DST: variants seen among roughly 807,000 people sequenced by gnomAD.
The protein encoded by DST is bullous pemphigoid antigen.
Under a neutral mutation model 875.2 loss-of-function variants are expected in DST, and 253 were observed. The ratio of observed to expected loss-of-function variants is 0.29; its 90% CI spans 0.26 to 0.32. The LOEUF is 0.32. DST is among the 10% of genes least tolerant of loss of function. The probability of loss-of-function intolerance (pLI) is 1.00; values close to 1 mark genes in which losing one functional copy is unlikely to be tolerated. For missense variants in DST, 8,287 were observed against 9,111.6 expected (o/e 0.91, Z 3.68); for synonymous variants, 3,124 against 3,197.1 (o/e 0.98, Z 0.77).
intron 4 of DST, among the ~76,000 whole-genome samples, chr6:56,767,057 A>G (rs2099635242): frequency 6.6e-6 from 1 of 152,176 alleles, no homozygotes; most frequent in African/African-American, 2.4e-5. Flanking sequence ...TTTTCTAAAA[A>G]CATTTCTTTG....
At chr6:56,529,003 TTTAA>T in intron 66 of DST, 78 bp from the exon 67 acceptor site, 1 of 884,024 alleles carries the variant, frequency 1.1e-6, no homozygotes, top group Non-Finnish European at 1.8e-6. Context: ...CTCAGAGAAC[TTTAA>T]TTAGATTTCA....
At chr6:56,908,098 TAC>T (rs66523804) in intron 2 of DST, among the ~76,000 whole-genome samples, 49 of 150,576 alleles carry the variant, frequency 3.3e-4, no homozygotes, top group African/African-American at 7.3e-4. Flanking sequence ...TATATATATA[TAC>T]ACACACACAC....
chr6:56,562,056 C>T (rs1362387555), intron 56 of DST, 82 bp downstream of exon 56: 1 of 806,660 alleles, frequency 1.2e-6, no homozygotes, highest in Non-Finnish European at 1.9e-6. Flanking sequence ...TTCAATATAA[C>T]TACTGTTTGC....
At position 56,687,055 on chromosome 6, in the gene DST, C is replaced by G. The variant is rs141585263; in HGVS notation, c.1047+12598G>C. 1.6e-4 allele frequency among the ~76,000 whole-genome samples: 25 copies of G among 152,284 alleles called. No individual in the cohort carries two copies. The East Asian group carries it at 4.4e-3, about 27-fold the overall frequency. ...CCGTAACACTGCTGAGGGAGCTATACCTATCCATGGACCACCTCCTTCTAC... is the reference window on the plus strand; with the variant it reads ...CCGTAACACTGCTGAGGGAGCTATAGCTATCCATGGACCACCTCCTTCTAC... On this transcript the variant is annotated intron_variant, in intron 9 of 103. Coordinates refer to ENST00000680361, the MANE Select transcript of DST (RefSeq NM_001374736.1).
At chr6:56,709,654 C>T (rs950010640) in intron 5 of DST, among the ~76,000 whole-genome samples, 4 of 152,120 alleles carry the variant, frequency 2.6e-5, no homozygotes, top group African/African-American at 7.2e-5. Flanking sequence ...AGCATTCATC[C>T]GTCATATGCC....
intron 92 of DST, among the ~76,000 whole-genome samples, chr6:56,474,945 T>G (rs2095096941): frequency 9.0e-6 from 1 of 111,200 alleles, no homozygotes; most frequent in Non-Finnish European, 1.7e-5. Context: ...GGCAACAGAG[T>G]GAGACCCTGC....
At chr6:56,763,684 T>TACACACACACAC (rs553580754) in intron 4 of DST, among the ~76,000 whole-genome samples, 1,282 of 117,054 alleles carry the variant, frequency 0.011, 26 homozygotes, top group African/African-American at 0.03. Flanking sequence ...AAAATACCTA[T>TACACACACACAC]ACACACACAC....
intron 4 of DST, among the ~76,000 whole-genome samples, chr6:56,822,390 T>C (rs769741738): frequency 6.6e-6 from 1 of 152,112 alleles, no homozygotes; most frequent in South Asian, 2.1e-4. Context: ...CAGTTCTCCC[T>C]CAGGTGAAGA....
intron 44 of DST, 111 bp downstream of exon 44, chr6:56,601,332 C>A (rs2098444106): frequency 3.0e-6 from 2 of 658,548 alleles, no homozygotes; most frequent in Non-Finnish European, 2.7e-6. Context: ...TGTATCTTAT[C>A]CATTAATGCC....
In DST at chr6:56,459,073, G is replaced by A; in HGVS notation, c.23389C>T (p.Pro7797Ser). The A allele has an allele frequency of 6.2e-7, 1 of 1,613,980 alleles. No homozygotes were observed. The highest frequency in any genetic ancestry group is 1.1e-5 in the South Asian group (1 of 91,084). The change falls in exon 104 of 104, where the codon CCT becomes TCT. Residue 7797 changes from proline to serine, a missense_variant. Pro to Ser is a moderately conservative substitution (Grantham distance 74). This residue lies in a region of DST where 240 missense variants were observed against 237.3 expected (regional missense o/e 1.01). Coordinates refer to ENST00000680361, the MANE Select transcript of DST (RefSeq NM_001374736.1). ...RAGSRPSTAK[P>S]SKIPTPQRKS... Reference sequence around the variant, plus strand: ...CTCTGGGGCGTGGGGATTTTTGAAGGCTTCGCTGTGGATGGCCGAGAACCT... The same window carrying A: ...CTCTGGGGCGTGGGGATTTTTGAAGACTTCGCTGTGGATGGCCGAGAACCT...
chr6:56,808,488 T>A (rs539220029), intron 4 of DST, among the ~76,000 whole-genome samples: 1 of 152,208 alleles, frequency 6.6e-6, no homozygotes, highest in African/African-American at 2.4e-5. Flanking sequence ...TCTTATTTTT[T>A]AAATCATGGA....
At chr6:56,885,509 G>A (rs536558261) in intron 3 of DST, among the ~76,000 whole-genome samples, 3 of 152,064 alleles carry the variant, frequency 2.0e-5, no homozygotes, top group East Asian at 3.9e-4. Flanking sequence ...TTTGAATGTT[G>A]TATCCCACCC....
At chr6:56,473,789 GC>G in intron 93 of DST, 83 bp downstream of exon 93, 1 of 1,358,156 alleles carries the variant, frequency 7.4e-7, no homozygotes. Context: ...ATCACCAATT[GC>G]CCCCAAATTT....
intron 3 of DST, among the ~76,000 whole-genome samples, chr6:56,870,011 T>C (rs927166824): frequency 1.3e-5 from 2 of 151,988 alleles, no homozygotes; most frequent in African/African-American, 4.8e-5. Context: ...TAGATTTCCC[T>C]GGCAAAACTA....
rs2095435593 is a variant in DST at position 56,482,528 on chromosome 6, G to A, written c.21402+155C>T. Reference sequence around the variant, plus strand: ...GTAATTTAAATTCATGAGGGAGGGTGGGAGAAGGATCAAGGCAATGTTGCT... The same window carrying A: ...GTAATTTAAATTCATGAGGGAGGGTAGGAGAAGGATCAAGGCAATGTTGCT... On this transcript the variant is annotated intron_variant, in intron 89 of 103. Coordinates refer to ENST00000680361, the MANE Select transcript of DST (RefSeq NM_001374736.1). 3 of 681,192 alleles carry A rather than the reference G, an allele frequency of 4.4e-6. No homozygotes were observed. The East Asian group carries it at 8.8e-5, about 20-fold the overall frequency. The allele number at this position is 681,192 out of a possible 1,614,324, so 42.2% of individuals were successfully genotyped here. A position where few individuals can be genotyped will look rare whatever the true frequency, so the allele number is the denominator to read the frequency against.
chr6:56,585,581 T>A (rs184457518), intron 49 of DST, among the ~76,000 whole-genome samples: 2 of 152,180 alleles, frequency 1.3e-5, no homozygotes, highest in Non-Finnish European at 2.9e-5. Context: ...GGGTTCTTTG[T>A]GTCTCTATTT....
intron 35 of DST, among the ~76,000 whole-genome samples, chr6:56,624,908 C>A (rs563717547): frequency 6.6e-6 from 1 of 151,984 alleles, no homozygotes; most frequent in South Asian, 2.1e-4. Flanking sequence ...TTTTTAAAAA[C>A]CCTTAATAGA....
At chr6:56,470,069 C>T (rs1582249624) in intron 96 of DST, 59 bp downstream of exon 96, 2 of 1,603,022 alleles carry the variant, frequency 1.2e-6, no homozygotes, top group South Asian at 1.1e-5. Context: ...ATGAATTGTG[C>T]ATGATATCGT....
chr6:56,717,810 C>CCCCCAAGCTATCCTTGAAAA (rs70989728), intron 5 of DST, among the ~76,000 whole-genome samples: 37,466 of 151,474 alleles, frequency 0.25, 6,282 homozygotes, highest in African/African-American at 0.47. Flanking sequence ...TGCCTCTCTT[C>CCCCCAAGCTATCCTTGAAAA]CCCCAAGCTA....
Sources: gnomAD v4.1 joint callset for allele counts (sites outside exome capture counted in the v4.1 genomes callset) on GRCh38, gnomAD v4.1.1 for gene constraint, gnomAD v4.1.1 regional missense constraint, MANE v1.5 for transcripts, NCBI Gene and HGNC (gene_info 2026-07-23, HGNC 2026-07-21) for gene names.